RPTOR: variants seen among roughly 807,000 people sequenced by gnomAD.
RPTOR encodes the protein regulatory-associated protein of mTOR.
A neutral mutation model predicts 169.9 loss-of-function variants in RPTOR; 21 were observed. The observed-to-expected ratio is 0.12, with a 90% confidence interval of 0.09 to 0.18. The LOEUF is 0.18. Among genes scored for constraint, RPTOR ranks in the 10% least tolerant of loss-of-function variants. The pLI, the probability that RPTOR is intolerant of heterozygous loss-of-function variation, is 1.00. For missense variants in RPTOR, 1,133 were observed against 1,855.9 expected, an observed-to-expected ratio of 0.61 and a Z score of 7.16; for synonymous variants, 732 against 753.2, an observed-to-expected ratio of 0.97 and a Z score of 0.46.
rs927618671 is a variant in RPTOR at position 80,855,646 on chromosome 17, C to T, written c.1398+99C>T. The T allele has an allele frequency of 7.3e-6, 7 of 956,616 alleles. No individual in the cohort carries two copies. In the African/African-American group the frequency reaches 9.6e-5, roughly 13 times the overall value. The allele number at this position is 956,616 out of a possible 1,614,324, so 59.3% of individuals were successfully genotyped here. On this transcript the variant is annotated intron_variant, in intron 12 of 33. Coordinates refer to ENST00000306801, the MANE Select transcript of RPTOR (RefSeq NM_020761.3). ...CACGTATTTCATGATCCAGAGCCACCCCCAGCCGTGAGACCCAGGGCGAGT... is the reference window on the plus strand; with the variant it reads ...CACGTATTTCATGATCCAGAGCCACTCCCAGCCGTGAGACCCAGGGCGAGT...
At chr17:80,605,132 A>G (rs1160913988) in intron 1 of RPTOR, among the ~76,000 whole-genome samples, 2 of 152,174 alleles carry the variant, frequency 1.3e-5, no homozygotes, top group Admixed American at 6.5e-5. Context: ...GGGATGGCCC[A>G]TGTTTCACCA....
intron 13 of RPTOR, among the ~76,000 whole-genome samples, chr17:80,877,709 C>T (rs1032179481): frequency 8.5e-5 from 13 of 152,182 alleles, no homozygotes; most frequent in Non-Finnish European, 1.3e-4. Flanking sequence ...TTTACGTGGA[C>T]GGCGGTCGAT....
Position 80,671,314 on chromosome 17 carries a change from G to A in RPTOR, c.348+27504G>A, listed in dbSNP as rs567446556. On this transcript the variant is annotated intron_variant, in intron 3 of 33. Transcript: ENST00000306801. ...CTGATAATCAAATTTATGGGCGTGCGTGTGAGAGAGAGAGAGTGTGTTCCT... is the reference window on the plus strand; with the variant it reads ...CTGATAATCAAATTTATGGGCGTGCATGTGAGAGAGAGAGAGTGTGTTCCT... 2.7e-4 allele frequency among the ~76,000 whole-genome samples: 41 copies of A among 152,262 alleles called. 1 individual carries two copies. The South Asian group carries it at 7.9e-3, about 29-fold the overall frequency.
Position 80,845,253 on chromosome 17 carries a change from C to T in RPTOR, c.1213-1220C>T, listed in dbSNP as rs902138195. On this transcript the variant is annotated intron_variant, in intron 10 of 33. Coordinates refer to ENST00000306801, the MANE Select transcript of RPTOR (RefSeq NM_020761.3). The surrounding 1 kb of genome is among the most constrained non-coding windows in gnomAD (Gnocchi z 5.4). Reference sequence around the variant, plus strand: ...GGCTGGGCTAACTGGGAGCTCGGGCCCACCCGGTGTGGCCCACGGAGAACT... The same window carrying T: ...GGCTGGGCTAACTGGGAGCTCGGGCTCACCCGGTGTGGCCCACGGAGAACT... 6.6e-6 allele frequency among the ~76,000 whole-genome samples: 1 copy of T among 152,116 alleles called. No homozygotes were observed. The highest frequency in any genetic ancestry group is 2.4e-5 in the African/African-American group (1 of 41,422).
At position 80,964,558 on chromosome 17, in the gene RPTOR, T is replaced by G; in HGVS notation, c.*228T>G. ...GCTCGGGTTGACGGTGGCTTCCCAC[T>G]GAGCACCAGCATCCAGGTGCACCCC... On this transcript the variant is annotated 3_prime_UTR_variant, in exon 34 of 34. Coordinates refer to ENST00000306801, the MANE Select transcript of RPTOR (RefSeq NM_020761.3). 1 of 582,332 alleles carries G rather than the reference T, an allele frequency of 1.7e-6. No individual in the cohort carries two copies. Among genetic ancestry groups the G allele is most frequent in the Non-Finnish European group, 3.1e-6 (1 of 324,336 alleles). 36.1% of individuals were successfully genotyped at this position (582,332 alleles called of 1,614,324 possible).
At chr17:80,653,953 T>G (rs7220294) in intron 3 of RPTOR, among the ~76,000 whole-genome samples, 1 of 152,068 alleles carries the variant, frequency 6.6e-6, no homozygotes, top group African/African-American at 2.4e-5. Context: ...AAGATTAAAT[T>G]CCCCCCACAA....
rs577405804 is a variant in RPTOR at position 80,800,686 on chromosome 17, G to A, written c.890+9177G>A. On this transcript the variant is annotated intron_variant, in intron 7 of 33. Transcript: ENST00000306801. ...CTTTGAGAGAGTGGCAATAAGATCC[G>A]TGCCTGGAAATTAAGGGACATTTTT... Among the ~76,000 whole-genome samples the A allele has an allele frequency of 1.2e-4, 18 of 152,088 alleles. 1 individual carries two copies. Among genetic ancestry groups the A allele is most frequent in the East Asian group, 1.9e-4 (1 of 5,196 alleles).
At chr17:80,685,330 C>CA (rs937592839) in intron 3 of RPTOR, among the ~76,000 whole-genome samples, 10 of 151,840 alleles carry the variant, frequency 6.6e-5, no homozygotes, top group Admixed American at 5.3e-4. Context: ...GGCTGGAGTG[C>CA]AGTGGTGTGA....
rs144879865 is a variant in RPTOR at position 80,895,249 on chromosome 17, C to T, written c.2401+1384C>T. Among the ~76,000 whole-genome samples, 676 of 152,324 alleles carry T rather than the reference C, an allele frequency of 4.4e-3. 3 individuals are homozygous for T. Among genetic ancestry groups the T allele is most frequent in the African/African-American group, 0.016 (654 of 41,566 alleles). Reference sequence around the variant, plus strand: ...GGGCATCGGTGGGGAAGCTCTTCTCCGGCATATGGTGGCCGCTCCCCTCTC... The same window carrying T: ...GGGCATCGGTGGGGAAGCTCTTCTCTGGCATATGGTGGCCGCTCCCCTCTC... On this transcript the variant is annotated intron_variant, in intron 20 of 33. Transcript: ENST00000306801.
chr17:80,597,749 A>G (rs544036551), intron 1 of RPTOR, among the ~76,000 whole-genome samples: 3 of 152,192 alleles, frequency 2.0e-5, no homozygotes, highest in African/African-American at 7.2e-5. Flanking sequence ...CCTGAGTTTA[A>G]GCCATCTGCC....
intron 7 of RPTOR, among the ~76,000 whole-genome samples, chr17:80,809,710 A>G (rs2067253910): frequency 6.6e-6 from 1 of 152,008 alleles, no homozygotes; most frequent in Admixed American, 6.6e-5. Flanking sequence ...CATTGTGAAC[A>G]TTTTTGCTAA....
At chr17:80,594,475 G>A (rs1428919998) in intron 1 of RPTOR, among the ~76,000 whole-genome samples, 2 of 152,230 alleles carry the variant, frequency 1.3e-5, no homozygotes, top group East Asian at 1.9e-4. Flanking sequence ...GACTTTCTCT[G>A]TCAATGTTCT....
intron 3 of RPTOR, among the ~76,000 whole-genome samples, chr17:80,676,397 C>T (rs569842606): frequency 9.2e-5 from 14 of 152,250 alleles, no homozygotes; most frequent in African/African-American, 3.1e-4. Flanking sequence ...AAATGGCCAG[C>T]GTGTCAAGAA....
At chr17:80,808,896 C>A (rs1388937949) in intron 7 of RPTOR, among the ~76,000 whole-genome samples, 2 of 148,722 alleles carry the variant, frequency 1.3e-5, no homozygotes, top group East Asian at 3.8e-4. Flanking sequence ...CCCTGTGTGT[C>A]ACAGTTTGTT....
chr17:80,866,512 T>A (rs1054352483), intron 13 of RPTOR, among the ~76,000 whole-genome samples: 12 of 152,236 alleles, frequency 7.9e-5, no homozygotes, highest in East Asian at 7.7e-4. Context: ...AACATTTTTT[T>A]AAAAAACACA....
chr17:80,894,018 A>T (rs2068367238), intron 20 of RPTOR, among the ~76,000 whole-genome samples, 153 bp downstream of exon 20: 1 of 152,192 alleles, frequency 6.6e-6, no homozygotes, highest in African/African-American at 2.4e-5. Context: ...CGAGGCAGGG[A>T]GAACGTTTTG....
chr17:80,554,155 C>A (rs143561493), intron 1 of RPTOR, among the ~76,000 whole-genome samples: 1 of 151,544 alleles, frequency 6.6e-6, no homozygotes, highest in Non-Finnish European at 1.5e-5. Flanking sequence ...CCTCCTGAGT[C>A]GCTGGGACTA....
chr17:80,800,341 A>G (rs1174220126), intron 7 of RPTOR, among the ~76,000 whole-genome samples: 2 of 152,206 alleles, frequency 1.3e-5, no homozygotes, highest in African/African-American at 2.4e-5. Context: ...TATTTCAAAC[A>G]GCAGCACTCA....
chr17:80,939,197 G>A (rs535430333), intron 24 of RPTOR, among the ~76,000 whole-genome samples: 32 of 152,310 alleles, frequency 2.1e-4, no homozygotes, highest in Non-Finnish European at 4.4e-4. Flanking sequence ...AGATTGACTG[G>A]ACGGCATGTA....
Sources: gnomAD v4.1 joint callset for allele counts (sites outside exome capture counted in the v4.1 genomes callset) on GRCh38, gnomAD v4.1.1 for gene constraint, Gnocchi (gnomAD v3.1) non-coding constraint, MANE v1.5 for transcripts, NCBI Gene and HGNC (gene_info 2026-07-23, HGNC 2026-07-21) for gene names.